UBE2D1: variants seen among roughly 807,000 people sequenced by gnomAD.
UBE2D1 encodes the protein ubiquitin-conjugating enzyme E2 D1.
In UBE2D1, 9 loss-of-function variants were observed where a neutral mutation model predicts 24.6. The observed-to-expected ratio is 0.37, with a 90% CI of 0.22 to 0.64. UBE2D1 has a LOEUF of 0.64. Ranked by LOEUF, UBE2D1 falls within the 30% of genes least tolerant of loss-of-function variation. UBE2D1 has a pLI of 0.64. For missense variants in UBE2D1, 87 were observed against 177.1 expected (o/e 0.49, Z 2.89); for synonymous variants, 57 against 57.6 (o/e 0.99, Z 0.04).
chr10:58,350,173 A>G (rs1487473302), intron 1 of UBE2D1, among the ~76,000 whole-genome samples: 2 of 152,184 alleles, frequency 1.3e-5, no homozygotes, highest in Non-Finnish European at 2.9e-5. Flanking sequence ...TAGAAATGCT[A>G]GGTCATAGAG....
chr10:58,365,774 C>T (rs981780394), intron 5 of UBE2D1, among the ~76,000 whole-genome samples: 35 of 152,112 alleles, frequency 2.3e-4, no homozygotes, highest in African/African-American at 7.2e-5. Flanking sequence ...TCAAGTTTTC[C>T]GTTTTTATAA....
intron 3 of UBE2D1, 40 bp downstream of exon 3, chr10:58,361,566 C>CA: frequency 6.2e-7 from 1 of 1,612,068 alleles, no homozygotes; most frequent in Admixed American, 1.7e-5. Context: ...CCCCCTCAGC[C>CA]ATACTTCATT....
rs190828647 is a variant in UBE2D1, at chr10:58,354,991, T to G, written c.25-6347T>G. ...AAGTAGAGTGGCATTGTTTTATGTT[T>G]TCAAATCTCGTTATAGTCAAGCTTA... On this transcript the variant is annotated intron_variant, in intron 1 of 6. Transcript: ENST00000373910. Among the ~76,000 whole-genome samples, 22 of 152,360 alleles carry G rather than the reference T, an allele frequency of 1.4e-4. No individual in the cohort carries two copies. In the East Asian group the frequency reaches 2.3e-3, roughly 16 times the overall value.
At chr10:58,338,846 A>G (rs948394334) in intron 1 of UBE2D1, among the ~76,000 whole-genome samples, 1 of 152,240 alleles carries the variant, frequency 6.6e-6, no homozygotes, top group African/African-American at 2.4e-5. Flanking sequence ...TTTTACAAAC[A>G]TAGCAACTCA....
chr10:58,346,161 C>T (rs187710571), intron 1 of UBE2D1, among the ~76,000 whole-genome samples: 5 of 152,138 alleles, frequency 3.3e-5, no homozygotes, highest in Admixed American at 3.3e-4. Flanking sequence ...CAGGCGTGCA[C>T]CACCATGCCC....
chr10:58,351,614 C>A (rs1840078104), intron 1 of UBE2D1, among the ~76,000 whole-genome samples: 1 of 152,196 alleles, frequency 6.6e-6, no homozygotes, highest in Non-Finnish European at 1.5e-5. Flanking sequence ...TACTGAAGAA[C>A]CTGCCTGAGT....
At chr10:58,362,276 T>C (rs564541293) in intron 3 of UBE2D1, among the ~76,000 whole-genome samples, 1 of 152,218 alleles carries the variant, frequency 6.6e-6, no homozygotes, top group Non-Finnish European at 1.5e-5. Context: ...CTCTTCTCCC[T>C]GCCCTGAAAG....
intron 6 of UBE2D1, 116 bp downstream of exon 6, chr10:58,368,132 G>T: frequency 2.8e-6 from 2 of 714,458 alleles, no homozygotes; most frequent in Non-Finnish European, 4.5e-6. Flanking sequence ...TATGTATATT[G>T]TTTATCTTTT....
chr10:58,365,772 T>C lies in UBE2D1; in HGVS notation c.304+896T>C, dbSNP rs1840249143. Among the ~76,000 whole-genome samples the C allele has an allele frequency of 2.6e-5, 4 of 152,220 alleles. No homozygotes were observed. In the South Asian group the frequency reaches 8.3e-4, roughly 32 times the overall value. ...CTGCACTGAAGCAACCATCAAGTTT[T>C]CCGTTTTTATAAAATTGAAGAAAAT... On this transcript the variant is annotated intron_variant, in intron 5 of 6. Transcript: ENST00000373910.
At chr10:58,342,111 A>G (rs1839967062) in intron 1 of UBE2D1, among the ~76,000 whole-genome samples, 2 of 152,174 alleles carry the variant, frequency 1.3e-5, no homozygotes, top group Non-Finnish European at 2.9e-5. Context: ...GTGAAGGTTC[A>G]GTTTCACACA....
intron 1 of UBE2D1, among the ~76,000 whole-genome samples, chr10:58,347,704 A>G (rs983833217): frequency 4.1e-5 from 6 of 147,074 alleles, no homozygotes; most frequent in African/African-American, 1.5e-4. Flanking sequence ...CTGGAGTGCA[A>G]TGGCACAATC....
chr10:58,368,793 G>T lies in UBE2D1; in HGVS notation c.*28G>T. The T allele has an allele frequency of 6.6e-7, 1 of 1,506,140 alleles. No individual in the cohort carries two copies. Among genetic ancestry groups the T allele is most frequent in the South Asian group, 1.3e-5 (1 of 79,778 alleles). The allele number at this position is 1,506,140 out of a possible 1,614,324, so 93.3% of individuals were successfully genotyped here. On this transcript the variant is annotated 3_prime_UTR_variant, in exon 7 of 7. Transcript: ENST00000373910. ...ATCAAAAACATTTTCATATATACCA[G>T]AGTACTGTAAAATCTAGGTTTTTTT...
chr10:58,337,200 A>G (rs930439024), intron 1 of UBE2D1, among the ~76,000 whole-genome samples: 12 of 152,182 alleles, frequency 7.9e-5, no homozygotes, highest in African/African-American at 2.7e-4. Context: ...GATATTTTGG[A>G]AAAGAAATTG....
intron 1 of UBE2D1, among the ~76,000 whole-genome samples, chr10:58,351,061 A>T (rs1015134922): frequency 2.6e-5 from 4 of 152,214 alleles, no homozygotes; most frequent in African/African-American, 9.6e-5. Context: ...TAGGGCACTT[A>T]CCATAAATGG....
rs936633833 is a variant in UBE2D1, at chr10:58,369,442, A to G, written c.*677A>G. Reference sequence around the variant, plus strand: ...TTATACTTGACTTAACTTTATTGCAATGTGAATTAATTGCACTGCTAAGTA... The same window carrying G: ...TTATACTTGACTTAACTTTATTGCAGTGTGAATTAATTGCACTGCTAAGTA... On this transcript the variant is annotated 3_prime_UTR_variant, in exon 7 of 7. Transcript: ENST00000373910. 1.3e-5 allele frequency: 2 copies of G among 152,526 alleles called. No individual in the cohort carries two copies. The highest frequency in any genetic ancestry group is 4.8e-5 in the African/African-American group (2 of 41,436). The allele number at this position is 152,526 out of a possible 1,614,324, so 9.4% of individuals were successfully genotyped here. A position where few individuals can be genotyped will look rare whatever the true frequency, so the allele number is the denominator to read the frequency against.
At position 58,370,013 on chromosome 10, in the gene UBE2D1, T is replaced by C. The variant is rs1840297706; in HGVS notation, c.*1248T>C. On this transcript the variant is annotated 3_prime_UTR_variant, in exon 7 of 7. Transcript: ENST00000373910. ...TTAACATTTTAAAATCTAGAATTTCTAAAATGGAATTTAATGCCATCACAA... is the reference window on the plus strand; with the variant it reads ...TTAACATTTTAAAATCTAGAATTTCCAAAATGGAATTTAATGCCATCACAA... The C allele has an allele frequency of 6.6e-6, 1 of 151,844 alleles. No individual in the cohort carries two copies. Among genetic ancestry groups the C allele is most frequent in the Non-Finnish European group, 1.5e-5 (1 of 67,822 alleles). The allele number at this position is 151,844 out of a possible 1,614,324, so 9.4% of individuals were successfully genotyped here. A position where few individuals can be genotyped will look rare whatever the true frequency, so the allele number is the denominator to read the frequency against.
chr10:58,366,861 C>T (rs569012643), intron 5 of UBE2D1, among the ~76,000 whole-genome samples: 1 of 152,108 alleles, frequency 6.6e-6, no homozygotes, highest in African/African-American at 2.4e-5. Flanking sequence ...GCATTATAGG[C>T]ACATACCACC....
intron 1 of UBE2D1, among the ~76,000 whole-genome samples, chr10:58,351,358 C>G (rs1434955301): frequency 6.6e-6 from 1 of 152,124 alleles, no homozygotes; most frequent in Non-Finnish European, 1.5e-5. Flanking sequence ...AAAAATATTT[C>G]CTTTTTAATA....
intron 3 of UBE2D1, among the ~76,000 whole-genome samples, chr10:58,362,253 C>T (rs1192305904): frequency 6.6e-6 from 1 of 152,132 alleles, no homozygotes; most frequent in Non-Finnish European, 1.5e-5. Context: ...AACATGTTTC[C>T]ATGAACACCA....
Sources: allele counts gnomAD v4.1 joint callset (sites outside exome capture counted in the v4.1 genomes callset), GRCh38; gene constraint gnomAD v4.1.1; transcripts MANE v1.5; gene names NCBI Gene and HGNC (gene_info 2026-07-23, HGNC 2026-07-21).